Variants in BPIFB4 observed in about 807,000 individuals in gnomAD.
BPIFB4 encodes the protein BPI fold-containing family B member 4.
BPIFB4 carries 62 observed loss-of-function variants against 69.2 expected under a neutral mutation model. The observed-to-expected ratio is 0.90, with a 90% CI of 0.73 to 1.11. BPIFB4 has a LOEUF of 1.11. Among genes scored for constraint, BPIFB4 ranks in the 50% least tolerant of loss-of-function variants. The pLI, the probability that BPIFB4 is intolerant of heterozygous loss-of-function variation, is 0.00. For synonymous variants in BPIFB4, 330 were observed against 332.7 expected (o/e 0.99, Z 0.09); for missense variants, 789 against 792.0 (o/e 1.00, Z 0.04).
chr20:33,087,753 C>CACACACACACACACACAAAA (rs56030970), intron 7 of BPIFB4, among the ~76,000 whole-genome samples: 2 of 140,854 alleles, frequency 1.4e-5, no homozygotes, highest in East Asian at 4.4e-4. Context: ...CACACACACA[C>CACACACACACACACACAAAA]AAGCATGCAT....
intron 4 of BPIFB4, 62 bp downstream of exon 4, chr20:33,083,062 TGGAGGTGGTGGG>T: frequency 3.5e-6 from 3 of 862,952 alleles, no homozygotes; most frequent in South Asian, 5.2e-5. Flanking sequence ...GAAGTGGAAG[TGGAGGTGGTGGG>T]GGAGGTGGTC....
chr20:33,097,583 G>T, intron 12 of BPIFB4, 34 bp from the exon 13 acceptor site: 1 of 1,600,208 alleles, frequency 6.2e-7, no homozygotes, highest in Non-Finnish European at 8.5e-7. Context: ...CTATGCTAAG[G>T]GCCCTGTCCA....
At position 33,089,528 on chromosome 20, in the gene BPIFB4, C is replaced by A. The variant is rs1981535022; in HGVS notation, c.1021C>A (p.Leu341Ile). 1 of 1,614,240 alleles carries A rather than the reference C, an allele frequency of 6.2e-7. No homozygotes were observed. Among genetic ancestry groups the A allele is most frequent in the Non-Finnish European group, 8.5e-7 (1 of 1,180,048 alleles). Reference protein sequence around the residue: ...LCPIVDVVLGLVNDQLGLVDS... With the variant: ...LCPIVDVVLGIVNDQLGLVDS... Reference sequence around the variant, plus strand: ...CCCCATCGTGGATGTGGTGCTGGGTCTTGTCAATGACCAGCTGGGCCTCGT... The same window carrying A: ...CCCCATCGTGGATGTGGTGCTGGGTATTGTCAATGACCAGCTGGGCCTCGT... The change falls in exon 9 of 18, where the codon CTT (leucine) becomes ATT (isoleucine). Residue 341 changes from leucine to isoleucine, a missense_variant. This residue lies in a region of BPIFB4 where 611 missense variants were observed against 575.4 expected (regional missense o/e 1.06). Coordinates refer to ENST00000375483, the MANE Select transcript of BPIFB4 (RefSeq NM_182519.3).
chr20:33,111,544 C>T lies in BPIFB4; in HGVS notation c.*107C>T, dbSNP rs1982238990. On this transcript the variant is annotated 3_prime_UTR_variant, in exon 18 of 18. Transcript: ENST00000375483. ...CCCAGAGTCCCCTCAGCCTCCATGACAGGTCCCTCCCTGGCCCCCCAACCC... is the reference window on the plus strand; with the variant it reads ...CCCAGAGTCCCCTCAGCCTCCATGATAGGTCCCTCCCTGGCCCCCCAACCC... The T allele has an allele frequency of 2.8e-6, 4 of 1,405,290 alleles. No homozygotes were observed. The highest frequency in any genetic ancestry group is 4.0e-6 in the Non-Finnish European group (4 of 1,006,454). 87.1% of individuals were successfully genotyped at this position (1,405,290 alleles called of 1,614,324 possible).
At chr20:33,088,506 C>A (rs1981501198) in intron 7 of BPIFB4, among the ~76,000 whole-genome samples, 2 of 152,200 alleles carry the variant, frequency 1.3e-5, no homozygotes, top group South Asian at 4.1e-4. Flanking sequence ...GCCAGTATTT[C>A]TCCTTCCCTC....
chr20:33,081,865 G>C (rs1251733755), intron 3 of BPIFB4, among the ~76,000 whole-genome samples: 3 of 152,240 alleles, frequency 2.0e-5, no homozygotes, highest in Non-Finnish European at 4.4e-5. Context: ...AGAGGCAATA[G>C]AGAACAATGA....
At chr20:33,085,315 C>T (rs1414140048) in intron 6 of BPIFB4, among the ~76,000 whole-genome samples, 1 of 152,078 alleles carries the variant, frequency 6.6e-6, no homozygotes, top group Non-Finnish European at 1.5e-5. Flanking sequence ...ATGGGCTGGG[C>T]GTGGTGGCAG....
At chr20:33,092,882 G>A (rs1401419585) in intron 11 of BPIFB4, among the ~76,000 whole-genome samples, 1 of 152,230 alleles carries the variant, frequency 6.6e-6, no homozygotes, top group Non-Finnish European at 1.5e-5. Context: ...CTCACGATGA[G>A]AAAGTTGCTC....
At chr20:33,104,634 GC>G in intron 15 of BPIFB4, 175 bp from the exon 16 acceptor site, 1 of 575,346 alleles carries the variant, frequency 1.7e-6, no homozygotes, top group Non-Finnish European at 3.1e-6. Context: ...TTGATGGGGG[GC>G]ACCTTAAGGC....
rs756934268 is a variant in BPIFB4, at chr20:33,095,157, T to G, written c.1398+4T>G. The G allele has an allele frequency of 6.2e-7, 1 of 1,605,338 alleles. No individual in the cohort carries two copies. Among genetic ancestry groups the G allele is most frequent in the South Asian group, 1.1e-5 (1 of 90,920 alleles). ...ACTGGGAGCCCTGATCCCCAAGGTA[T>G]GTAAGGTGGGCAGGTCCCATTGCCT... On this transcript the variant is annotated splice_donor_region_variant and intron_variant, in intron 12 of 17. Transcript: ENST00000375483.
At chr20:33,108,423 C>CTATATATATATGTCTATATATATATA (rs1555787219) in intron 17 of BPIFB4, among the ~76,000 whole-genome samples, 4 of 125,704 alleles carry the variant, frequency 3.2e-5, no homozygotes, top group Non-Finnish European at 6.5e-5. Flanking sequence ...ATATATATGT[C>CTATATATATATGTCTATATATATATA]TATATATATA....
intron 8 of BPIFB4, 79 bp downstream of exon 8, chr20:33,089,108 T>C: frequency 1.2e-6 from 2 of 1,604,350 alleles, no homozygotes; most frequent in East Asian, 2.2e-5. Context: ...CCTCCATCCC[T>C]GGGGGCCTGC....
chr20:33,105,624 C>T (rs1982027511), intron 16 of BPIFB4, among the ~76,000 whole-genome samples: 1 of 152,228 alleles, frequency 6.6e-6, no homozygotes, highest in African/African-American at 2.4e-5. Context: ...TCTCCCACTC[C>T]TGCTTCCTGG....
intron 17 of BPIFB4, among the ~76,000 whole-genome samples, chr20:33,110,666 A>G (rs1047047808): frequency 4.0e-5 from 6 of 151,886 alleles, no homozygotes; most frequent in Non-Finnish European, 7.4e-5. Flanking sequence ...GTCAGCTGGA[A>G]TTCTACCGAG....
rs1291376079 is a variant in BPIFB4, at chr20:33,083,584, A to C, written c.387A>C (p.Ala129=). 14 of 1,614,042 alleles carry C rather than the reference A, an allele frequency of 8.7e-6. No homozygotes were observed. The South Asian group carries it at 1.2e-4, about 14-fold the overall frequency. Reference sequence around the variant, plus strand: ...GTGGCTATCGCAGTGCCGAGAATGCATATGGAGGCCACAGGGGCCTCGGGC... The same window carrying C: ...GTGGCTATCGCAGTGCCGAGAATGCCTATGGAGGCCACAGGGGCCTCGGGC... ...RNSGYRSAEN[A]YGGHRGLGRY... Residue 129 remains alanine, a synonymous_variant, in exon 5 of 18, where the codon GCA becomes GCC. Coordinates refer to ENST00000375483, the MANE Select transcript of BPIFB4 (RefSeq NM_182519.3).
chr20:33,084,443 A>G (rs1439730234), intron 5 of BPIFB4, among the ~76,000 whole-genome samples: 1 of 152,234 alleles, frequency 6.6e-6, no homozygotes, highest in Non-Finnish European at 1.5e-5. Flanking sequence ...CAAGAAGTTC[A>G]TGGAGAAGTA....
At chr20:33,087,994 T>C (rs964792676) in intron 7 of BPIFB4, among the ~76,000 whole-genome samples, 1 of 152,110 alleles carries the variant, frequency 6.6e-6, no homozygotes, top group African/African-American at 2.4e-5. Flanking sequence ...CAGGGTTCGG[T>C]GGCGAGGGAC....
At chr20:33,089,054 G>T (rs1232065090) in intron 8 of BPIFB4, 25 bp downstream of exon 8, 9 of 1,613,642 alleles carry the variant, frequency 5.6e-6, no homozygotes, top group Non-Finnish European at 7.6e-6. Context: ...CAGTATGGGA[G>T]CAAGGGGCAC....
rs374496259 is a variant in BPIFB4 at position 33,086,043 on chromosome 20, G to A, written c.805G>A (p.Ala269Thr). 9.3e-6 allele frequency: 15 copies of A among 1,611,776 alleles called. No homozygotes were observed. Among genetic ancestry groups the A allele is most frequent in the African/African-American group, 4.0e-5 (3 of 74,876 alleles). Reference protein sequence around the residue: ...GKSLIGFLDIAVEVNITAKVR... With the variant: ...GKSLIGFLDITVEVNITAKVR... ...CAGTCTTATTGGCTTCCTGGACATC[G>A]CAGTAGAAGTGAACATCACAGCCAA... is the stretch of plus-strand genomic sequence containing the variant. Residue 269 changes from alanine (A) to threonine (T), a missense_variant, in exon 7 of 18, where the codon GCA becomes ACA. Around this residue, in one of 3 missense-constraint regions of BPIFB4, gnomAD observed 611 missense variants for 575.4 expected, o/e 1.06. Coordinates refer to ENST00000375483, the MANE Select transcript of BPIFB4 (RefSeq NM_182519.3).
Sources: allele counts gnomAD v4.1 joint callset (sites outside exome capture counted in the v4.1 genomes callset), GRCh38; gene constraint gnomAD v4.1.1; regional missense constraint gnomAD v4.1.1; transcripts MANE v1.5; gene names NCBI Gene and HGNC (gene_info 2026-07-23, HGNC 2026-07-21).